The following HSF1 variants were observed in gnomAD, a reference collection of about 807,000 sequenced individuals.
HSF1 encodes heat shock transcription factor 1, also known as heat shock factor protein 1.
A neutral mutation model predicts 51.7 loss-of-function variants in HSF1; 32 were observed. The observed-to-expected ratio is 0.62, with a 90% CI of 0.47 to 0.83. The LOEUF (loss-of-function observed/expected upper bound fraction) is 0.83, where lower values mean the gene tolerates loss of function less well. Ranked by LOEUF, HSF1 falls within the 40% of genes least tolerant of loss-of-function variation. HSF1 has a pLI of 0.00. For synonymous variants in HSF1, 396 were observed against 309.7 expected (o/e 1.28, Z -2.92); for missense variants, 727 against 717.0 (o/e 1.01, Z -0.16).
At chr8:144,299,649 C>T (rs572795504) in intron 1 of HSF1, among the ~76,000 whole-genome samples, 2 of 152,210 alleles carry the variant, frequency 1.3e-5, no homozygotes, top group African/African-American at 4.8e-5. Context: ...GTGGCTCACA[C>T]CTGTAATCCC....
rs1816643586 is a variant in HSF1 at position 144,311,388 on chromosome 8, G to GT, written c.626+10dup. 4.3e-6 allele frequency: 7 copies of GT among 1,613,924 alleles called. No individual in the cohort carries two copies. The highest frequency in any genetic ancestry group is 5.9e-6 in the Non-Finnish European group (7 of 1,180,000). Reference sequence around the variant, plus strand: ...CTGGGGGTGAAGAGAAAGATGTGAGGTTTTGGGGATGCCTGCATCCACCAC... The same window carrying GT: ...CTGGGGGTGAAGAGAAAGATGTGAGGTTTTTGGGGATGCCTGCATCCACCAC... On this transcript the variant is annotated splice_region_variant and intron_variant, in intron 6 of 12. Transcript: ENST00000528838.
chr8:144,300,212 CT>C (rs1176636210), intron 1 of HSF1, among the ~76,000 whole-genome samples: 134 of 87,762 alleles, frequency 1.5e-3, no homozygotes, highest in East Asian at 4.5e-3. Flanking sequence ...GTTGTGTACT[CT>C]TTTTTTTTTT....
intron 1 of HSF1, among the ~76,000 whole-genome samples, chr8:144,295,806 C>T (rs1815416365): frequency 6.6e-6 from 1 of 152,142 alleles, no homozygotes; most frequent in South Asian, 2.1e-4. Context: ...AAGCCATCCT[C>T]CCATCTCAGC....
rs1325043139 is a variant in HSF1 at position 144,297,458 on chromosome 8, G to A, written c.117+5584G>A. Among the ~76,000 whole-genome samples, 1 of 152,218 alleles carries A rather than the reference G, an allele frequency of 6.6e-6. No individual in the cohort carries two copies. Among genetic ancestry groups the A allele is most frequent in the Non-Finnish European group, 1.5e-5 (1 of 68,044 alleles). On this transcript the variant is annotated intron_variant, in intron 1 of 12. Transcript: ENST00000528838. The surrounding 1 kb of genome is among the most constrained non-coding windows in gnomAD (Gnocchi z 4.6). Reference sequence around the variant, plus strand: ...GGTCCTTGTGTGGCGAGAACACGCTGGAAGCTCCTCCAGAGCGGAAACAAG... The same window carrying A: ...GGTCCTTGTGTGGCGAGAACACGCTAGAAGCTCCTCCAGAGCGGAAACAAG...
intron 10 of HSF1, 25 bp from the exon 11 acceptor site, chr8:144,313,821 T>A: frequency 7.2e-7 from 1 of 1,398,276 alleles, no homozygotes; most frequent in Non-Finnish European, 9.5e-7. Context: ...CGGGTGCTGT[T>A]CTGACTTCCC....
chr8:144,293,201 T>C (rs1359632475), intron 1 of HSF1, among the ~76,000 whole-genome samples: 1 of 152,212 alleles, frequency 6.6e-6, no homozygotes, highest in Non-Finnish European at 1.5e-5. Context: ...GAGGCTCTGC[T>C]TTACCTACAG....
Position 144,314,043 on chromosome 8 carries a change from G to C in HSF1, c.1373G>C (p.Ser458Thr). The C allele has an allele frequency of 6.2e-7, 1 of 1,608,418 alleles. No individual in the cohort carries two copies. Among genetic ancestry groups the C allele is most frequent in the Non-Finnish European group, 8.5e-7 (1 of 1,178,758 alleles). ...AGGCCTCCCGAGGCAGAGAACAGCA[G>C]CCCGGATTCAGGTGAGCCAAGTCCC... Reference protein sequence around the residue: ...PPRPPEAENSSPDSGKQLVHY... With the variant: ...PPRPPEAENSTPDSGKQLVHY... Residue 458 changes from serine to threonine, a missense_variant, in exon 12 of 13, where the codon AGC (serine) becomes ACC (threonine). Transcript: ENST00000528838.
intron 1 of HSF1, among the ~76,000 whole-genome samples, chr8:144,303,432 T>C (rs1816024024): frequency 6.6e-6 from 1 of 152,060 alleles, no homozygotes; most frequent in Non-Finnish European, 1.5e-5. Flanking sequence ...TCTTTCCTTA[T>C]GGACGGCCTC....
chr8:144,297,058 A>T lies in HSF1; in HGVS notation c.117+5184A>T, dbSNP rs1554841429. 6.6e-6 allele frequency among the ~76,000 whole-genome samples: 1 copy of T among 152,082 alleles called. No homozygotes were observed. Among genetic ancestry groups the T allele is most frequent in the African/African-American group, 2.4e-5 (1 of 41,392 alleles). On this transcript the variant is annotated intron_variant, in intron 1 of 12. Transcript: ENST00000528838. The surrounding 1 kb of genome is among the most constrained non-coding windows in gnomAD (Gnocchi z 4.6). ...CAGGCTAGTGTTTGCTCAGTCCTTT[A>T]TTGAGGGACCAGGGATGGACAGCCT...
chr8:144,309,662 G>GGGCC, intron 3 of HSF1, 71 bp downstream of exon 3: 1 of 1,598,776 alleles, frequency 6.3e-7, no homozygotes, highest in Non-Finnish European at 8.5e-7. Context: ...CTCCCTGAGG[G>GGGCC]CTCCCACCCC....
At chr8:144,299,565 G>A (rs921643604) in intron 1 of HSF1, among the ~76,000 whole-genome samples, 1 of 152,040 alleles carries the variant, frequency 6.6e-6, no homozygotes, top group Non-Finnish European at 1.5e-5. Context: ...AGCCAACAAA[G>A]ACAGTAAACA....
rs1185365234 is a variant in HSF1 at position 144,297,101 on chromosome 8, A to C, written c.117+5227A>C. ...GACAGCCTGGCCCTGAAAGTCTCTC[A>C]GTTTTGGAGGAGTCAGCCTGTGTGC... On this transcript the variant is annotated intron_variant, in intron 1 of 12. Transcript: ENST00000528838. The surrounding 1 kb of genome is among the most constrained non-coding windows in gnomAD (Gnocchi z 4.6). Among the ~76,000 whole-genome samples, 1 of 152,156 alleles carries C rather than the reference A, an allele frequency of 6.6e-6. No individual in the cohort carries two copies. Among genetic ancestry groups the C allele is most frequent in the Non-Finnish European group, 1.5e-5 (1 of 68,016 alleles).
intron 9 of HSF1, chr8:144,312,633 C>G (rs1564624160): frequency 5.9e-6 from 9 of 1,535,210 alleles, no homozygotes; most frequent in Non-Finnish European, 7.8e-6. Context: ...TGCAGTTTGG[C>G]TCGCACTCCA....
At position 144,311,399 on chromosome 8, in the gene HSF1, G is replaced by A; in HGVS notation, c.626+17G>A. ...GAGAAAGATGTGAGGTTTTGGGGATGCCTGCATCCACCACCCGGGGCCCAG... is the reference window on the plus strand; with the variant it reads ...GAGAAAGATGTGAGGTTTTGGGGATACCTGCATCCACCACCCGGGGCCCAG... On this transcript the variant is annotated intron_variant, in intron 6 of 12. Coordinates refer to ENST00000528838, the MANE Select transcript of HSF1 (RefSeq NM_005526.4). The A allele has an allele frequency of 6.2e-7, 1 of 1,613,750 alleles. No individual in the cohort carries two copies. The highest frequency in any genetic ancestry group is 1.1e-5 in the South Asian group (1 of 91,082).
In HSF1 at chr8:144,313,854, C is replaced by T. The variant is rs1554845804; in HGVS notation, c.1257C>T (p.Ser419=). Reference sequence around the variant, plus strand: ...CCCTCCCTCCTCCGCAGCTGTTCAGCCCCTCGGTGACCGTGCCCGACATGA... The same window carrying T: ...CCCTCCCTCCTCCGCAGCTGTTCAGTCCCTCGGTGACCGTGCCCGACATGA... ...VDTSALLDLF[S]PSVTVPDMSL... is the part of the protein sequence containing the mutation. Residue 419 remains serine, a synonymous_variant, in exon 11 of 13, where the codon AGC becomes AGT. Transcript: ENST00000528838. The T allele has an allele frequency of 2.5e-6, 4 of 1,602,976 alleles. No individual in the cohort carries two copies. Among genetic ancestry groups the T allele is most frequent in the Non-Finnish European group, 3.4e-6 (4 of 1,177,534 alleles).
chr8:144,310,156 T>G (rs1554844104), intron 4 of HSF1: 2 of 462,864 alleles, frequency 4.3e-6, no homozygotes, highest in African/African-American at 2.0e-5. Flanking sequence ...TCTGGGCCAT[T>G]GGCTTCTGCC....
intron 1 of HSF1, among the ~76,000 whole-genome samples, chr8:144,306,604 C>G (rs2130399121): frequency 6.6e-6 from 1 of 152,238 alleles, no homozygotes; most frequent in South Asian, 2.1e-4. Context: ...CTTGAGCAAC[C>G]CACCCGCCTC....
In HSF1 at chr8:144,314,396, C is replaced by T. The variant is rs1817083142; in HGVS notation, c.*66C>T. Reference sequence around the variant, plus strand: ...CAGTGCAGGGCTGGTCTTGGGGAGGCAGGGCAGCCTCGCGGTCTTGGGCAC... The same window carrying T: ...CAGTGCAGGGCTGGTCTTGGGGAGGTAGGGCAGCCTCGCGGTCTTGGGCAC... On this transcript the variant is annotated 3_prime_UTR_variant, in exon 13 of 13. Transcript: ENST00000528838. 1 of 1,415,562 alleles carries T rather than the reference C, an allele frequency of 7.1e-7. No homozygotes were observed. The allele number at this position is 1,415,562 out of a possible 1,614,324, so 87.7% of individuals were successfully genotyped here.
intron 1 of HSF1, among the ~76,000 whole-genome samples, chr8:144,298,215 A>G (rs1815598632): frequency 6.6e-6 from 1 of 152,164 alleles, no homozygotes; most frequent in African/African-American, 2.4e-5. Context: ...TGTGAAATTC[A>G]TAATGGCCCC....
Sources: allele counts gnomAD v4.1 joint callset (sites outside exome capture counted in the v4.1 genomes callset), GRCh38; gene constraint gnomAD v4.1.1; non-coding constraint Gnocchi (gnomAD v3.1); transcripts MANE v1.5; gene names NCBI Gene and HGNC (gene_info 2026-07-23, HGNC 2026-07-21).